DENND2B: variants seen among roughly 807,000 people sequenced by gnomAD.
The protein encoded by DENND2B is DENN domain containing 2B.
A neutral mutation model predicts 116.0 loss-of-function variants in DENND2B; 32 were observed. The ratio of observed to expected loss-of-function variants is 0.28; its 90% CI spans 0.21 to 0.37. The LOEUF is 0.37. Ranked by LOEUF, DENND2B falls within the 10% of genes least tolerant of loss-of-function variation. The pLI is 1.00. For missense variants in DENND2B, 1,276 were observed against 1,477.7 expected (o/e 0.86, Z 2.24); for synonymous variants, 588 against 583.9 (o/e 1.01, Z -0.10).
intron 3 of DENND2B, among the ~76,000 whole-genome samples, chr11:8,852,912 G>A (rs2063060042): frequency 6.6e-6 from 1 of 152,132 alleles, no homozygotes; most frequent in Non-Finnish European, 1.5e-5. Flanking sequence ...TGGGAGGTGG[G>A]CCTGATAAGC....
At chr11:8,741,616 A>C (rs1422854103) in intron 2 of DENND2B, among the ~76,000 whole-genome samples, 1 of 152,128 alleles carries the variant, frequency 6.6e-6, no homozygotes, top group African/African-American at 2.4e-5. Context: ...CTCCTCTTAA[A>C]TCTGGGCTCT....
chr11:8,781,350 G>T (rs2058352938), intron 1 of DENND2B, among the ~76,000 whole-genome samples: 1 of 152,108 alleles, frequency 6.6e-6, no homozygotes, highest in South Asian at 2.1e-4. Context: ...AGCGAGAGTT[G>T]GGAGGAGGTG....
At chr11:8,731,338 A>G in intron 2 of DENND2B, 129 bp from the exon 3 acceptor site, 1 of 901,304 alleles carries the variant, frequency 1.1e-6, no homozygotes, top group Non-Finnish European at 1.6e-6. Flanking sequence ...AGAGTATTCT[A>G]TTCAAGTAAT....
chr11:8,800,198 C>T (rs1276089856), intron 1 of DENND2B, among the ~76,000 whole-genome samples: 1 of 152,150 alleles, frequency 6.6e-6, no homozygotes, highest in Non-Finnish European at 1.5e-5. Context: ...AAACAATCCT[C>T]CTGCCCTGGC....
At chr11:8,727,964 AACACACACACACACACACAC>A (rs55688240) in intron 3 of DENND2B, among the ~76,000 whole-genome samples, 32,209 of 138,570 alleles carry the variant, frequency 0.23, 4,219 homozygotes, top group African/African-American at 0.35. Flanking sequence ...ATTTTACACA[AACACACACACACACACACAC>A]ACACACACAC....
In DENND2B at chr11:8,768,730, C is replaced by T. The variant is rs372022522; in HGVS notation, c.-25-18005G>A. On this transcript the variant is annotated intron_variant, in intron 1 of 19. Coordinates refer to ENST00000313726, the MANE Select transcript of DENND2B (RefSeq NM_213618.2). ...TGTAGGAAGCTTGGGGAATGTGCCT[C>T]CTGCCCTCTTCTGGACTAGTCAGCA... 3.3e-5 allele frequency: 5 copies of T among 152,476 alleles called. No homozygotes were observed. The East Asian group carries it at 7.7e-4, about 23-fold the overall frequency. 9.4% of individuals were successfully genotyped at this position (152,476 alleles called of 1,614,324 possible).
chr11:8,812,140 T>C (rs1212827828), upstream of DENND2B, among the ~76,000 whole-genome samples: 1 of 152,252 alleles, frequency 6.6e-6, no homozygotes. Context: ...ATCAGCCAAG[T>C]TCGCCCTAGT....
At chr11:8,855,415 CTGATGGATCA>C (rs2063160139) in intron 3 of DENND2B, among the ~76,000 whole-genome samples, 2 of 150,906 alleles carry the variant, frequency 1.3e-5, no homozygotes, top group Admixed American at 6.6e-5. Flanking sequence ...AAAATTTAGC[CTGATGGATCA>C]TGATGGATCA....
intron 1 of DENND2B, among the ~76,000 whole-genome samples, chr11:8,769,135 T>G (rs773267613): frequency 2.6e-5 from 4 of 152,050 alleles, no homozygotes; most frequent in Non-Finnish European, 4.4e-5. Flanking sequence ...CAGCAATGCC[T>G]GCCAAGCCCA....
At chr11:8,855,248 A>T (rs1438008593) in intron 3 of DENND2B, among the ~76,000 whole-genome samples, 3 of 151,848 alleles carry the variant, frequency 2.0e-5, no homozygotes, top group Admixed American at 6.6e-5. Context: ...GCAAACCTCA[A>T]ACGTGTAGTG....
At chr11:8,794,718 AG>A (rs1174049505) in intron 1 of DENND2B, 1 of 152,294 alleles carries the variant, frequency 6.6e-6, no homozygotes, top group Non-Finnish European at 1.5e-5. Flanking sequence ...TAGACAGCAA[AG>A]GGCAGTGCCT....
rs536137727 is a variant in DENND2B, at chr11:8,876,858, G to A, written c.-156+4152C>T. ...TGTGCCACTGCACATCAGCCTGGGC[G>A]ACAGAGCAAGATTCCGTCTCAAAAA... On this transcript the variant is annotated intron_variant, in intron 2 of 22. Transcript: ENST00000534127. Among the ~76,000 whole-genome samples the A allele has an allele frequency of 2.9e-3, 432 of 146,988 alleles. 5 individuals carry two copies. Among genetic ancestry groups the A allele is most frequent in the African/African-American group, 0.01 (414 of 39,816 alleles).
intron 1 of DENND2B, among the ~76,000 whole-genome samples, chr11:8,801,685 A>AG (rs1555198957): frequency 2.1e-3 from 48 of 23,002 alleles, no homozygotes; most frequent in Non-Finnish European, 6.1e-3. Context: ...TCAAAAAAAA[A>AG]AAAAAAAGAA....
chr11:8,866,249 G>C (rs1427849004), intron 2 of DENND2B, among the ~76,000 whole-genome samples: 1 of 152,178 alleles, frequency 6.6e-6, no homozygotes, highest in Non-Finnish European at 1.5e-5. Context: ...GTGAGCCACC[G>C]CACCCGACCT....
intron 2 of DENND2B, among the ~76,000 whole-genome samples, chr11:8,863,983 GAGAA>G (rs1194557759): frequency 3.9e-5 from 6 of 152,102 alleles, no homozygotes; most frequent in African/African-American, 1.4e-4. Context: ...GGCAGTCCTG[GAGAA>G]AGACAGCTAT....
At position 8,737,192 on chromosome 11, in the gene DENND2B, T is replaced by C. The variant is rs73410014; in HGVS notation, c.81-5983A>G. Among the ~76,000 whole-genome samples, 1,204 of 152,230 alleles carry C rather than the reference T, an allele frequency of 7.9e-3. 13 individuals carry two copies. Among genetic ancestry groups the C allele is most frequent in the African/African-American group, 0.026 (1,077 of 41,540 alleles). ...CAATATGGGAGTCATTAGTGGTATA[T>C]AGAAATATTTAAAACCATGTGGCCA... On this transcript the variant is annotated intron_variant, in intron 2 of 19. Transcript: ENST00000313726.
At chr11:8,833,870 T>C (rs987428644) in intron 4 of DENND2B, among the ~76,000 whole-genome samples, 1 of 152,164 alleles carries the variant, frequency 6.6e-6, no homozygotes, top group African/African-American at 2.4e-5. Context: ...CTGCAGCTGG[T>C]TAGTTCAGTT....
intron 3 of DENND2B, among the ~76,000 whole-genome samples, chr11:8,854,587 C>T (rs911883598): frequency 1.9e-4 from 29 of 152,230 alleles, no homozygotes; most frequent in African/African-American, 6.8e-4. Context: ...ACAAAAAAAG[C>T]AGCAGCCACT....
chr11:8,816,521 A>G (rs574258361), intron 4 of DENND2B, among the ~76,000 whole-genome samples: 35 of 151,326 alleles, frequency 2.3e-4, no homozygotes, highest in Non-Finnish European at 5.0e-4. Context: ...ACTGCACTAC[A>G]GCCTGGGTGA....
Sources: gnomAD v4.1 joint callset for allele counts (sites outside exome capture counted in the v4.1 genomes callset) on GRCh38, gnomAD v4.1.1 for gene constraint, MANE v1.5 for transcripts, NCBI Gene and HGNC (gene_info 2026-07-23, HGNC 2026-07-21) for gene names.